The following G3BP2 variants were observed in gnomAD, a reference collection of about 807,000 sequenced individuals.
G3BP2 encodes G3BP stress granule assembly factor 2.
Under a neutral mutation model 56.7 loss-of-function variants are expected in G3BP2, and 11 were observed. That is an observed-to-expected ratio of 0.19 (90% confidence interval 0.12 to 0.32). The LOEUF (loss-of-function observed/expected upper bound fraction) is 0.32. Ranked by LOEUF, G3BP2 falls within the 10% of genes least tolerant of loss-of-function variation. The probability of loss-of-function intolerance (pLI) is 1.00; values close to 1 mark genes in which losing one functional copy is unlikely to be tolerated. For missense variants in G3BP2, 340 were observed against 610.9 expected (o/e 0.56, Z 4.67); for synonymous variants, 165 against 191.6 (o/e 0.86, Z 1.15).
At position 75,643,270 on chromosome 4, in the gene G3BP2, G is replaced by T. The variant is rs1279556838; in HGVS notation, c.*2160C>A. 1 of 117,314 alleles carries T rather than the reference G, an allele frequency of 8.5e-6. No individual in the cohort carries two copies. The highest frequency in any genetic ancestry group is 1.8e-5 in the Non-Finnish European group (1 of 54,472). The allele number at this position is 117,314 out of a possible 1,614,324, so 7.3% of individuals were successfully genotyped here. ...GGTGCCAGAACAGTTTTCATGGATG[G>T]CAGGGCAATATCCTGAATTGGAAAT... On this transcript the variant is annotated 3_prime_UTR_variant, in exon 12 of 12. Transcript: ENST00000359707.
chr4:75,650,428 A>C (rs887354110), intron 8 of G3BP2, among the ~76,000 whole-genome samples: 166 of 148,424 alleles, frequency 1.1e-3, no homozygotes, highest in East Asian at 9.4e-3. Flanking sequence ...CTCCATCTCA[A>C]AAAAAAAAAA....
At chr4:75,674,634 G>C (rs756025035), upstream of G3BP2, among the ~76,000 whole-genome samples, 5 of 146,212 alleles carry the variant, frequency 3.4e-5, no homozygotes. Context: ...AGGCATTCTT[G>C]TAATTATACA....
rs904368325 is a variant in G3BP2, at chr4:75,666,857, A to C, written c.-24-4808T>G. On this transcript the variant is annotated intron_variant, in intron 1 of 11. Coordinates refer to ENST00000359707, the MANE Select transcript of G3BP2 (RefSeq NM_203505.3). ...GTTAACAAAACGAAACAAAATTCTG[A>C]ATATGGGAGTAAAAGGTTTCAACTA... is the stretch of plus-strand genomic sequence containing the variant. Among the ~76,000 whole-genome samples the C allele has an allele frequency of 2.6e-5, 4 of 152,236 alleles. 1 individual carries two copies. Among genetic ancestry groups the C allele is most frequent in the African/African-American group, 9.6e-5 (4 of 41,464 alleles).
At chr4:75,705,122 C>T (rs1452357298) in intron 3 of G3BP2, among the ~76,000 whole-genome samples, 1 of 152,186 alleles carries the variant, frequency 6.6e-6, no homozygotes, top group African/African-American at 2.4e-5. Context: ...TTGGACACCC[C>T]TGATCTAAAC....
At chr4:75,693,340 C>T (rs1312479850) in intron 3 of G3BP2, among the ~76,000 whole-genome samples, 1 of 152,236 alleles carries the variant, frequency 6.6e-6, no homozygotes, top group Non-Finnish European at 1.5e-5. Flanking sequence ...AATGGACTCA[C>T]TGTTCCACAT....
chr4:75,649,432 T>C (rs1731500291), intron 8 of G3BP2, among the ~76,000 whole-genome samples: 1 of 152,188 alleles, frequency 6.6e-6, no homozygotes. Flanking sequence ...CCAACGATTT[T>C]CCTTAACTAG....
In G3BP2 at chr4:75,643,193, G is replaced by A. The variant is rs1560604621; in HGVS notation, c.*2237C>T. The A allele has an allele frequency of 1.3e-5, 2 of 151,476 alleles. No individual in the cohort carries two copies. Among genetic ancestry groups the A allele is most frequent in the Non-Finnish European group, 3.0e-5 (2 of 67,734 alleles). The allele number at this position is 151,476 out of a possible 1,614,324, so 9.4% of individuals were successfully genotyped here. A position where few individuals can be genotyped will look rare whatever the true frequency, so the allele number is the denominator to read the frequency against. On this transcript the variant is annotated 3_prime_UTR_variant, in exon 12 of 12. Transcript: ENST00000359707. ...TGGTATGTAAAGACTGAAGCTGAAT[G>A]GCTCTTTGCTCTACTTTTCTATTAT...
At chr4:75,677,765 C>T (rs1733933032), upstream of G3BP2, among the ~76,000 whole-genome samples, 1 of 152,164 alleles carries the variant, frequency 6.6e-6, no homozygotes, top group South Asian at 2.1e-4. Context: ...AAACAAATGT[C>T]TTGGCCCCAC....
At chr4:75,676,446 C>T (rs1360679818), upstream of G3BP2, among the ~76,000 whole-genome samples, 1 of 150,728 alleles carries the variant, frequency 6.6e-6, no homozygotes, top group African/African-American at 2.4e-5. Context: ...AGGTTCAAGC[C>T]ATTCTCCTGC....
chr4:75,684,098 G>GA (rs1309899063), intron 3 of G3BP2, among the ~76,000 whole-genome samples: 20 of 152,094 alleles, frequency 1.3e-4, no homozygotes, highest in Non-Finnish European at 1.8e-4. Context: ...AGCAGAACTG[G>GA]AAAAAGATAT....
chr4:75,653,354 A>G (rs1453050429), intron 8 of G3BP2, among the ~76,000 whole-genome samples: 2 of 152,146 alleles, frequency 1.3e-5, no homozygotes, highest in Non-Finnish European at 2.9e-5. Flanking sequence ...AGTTCATTCT[A>G]AACTAAATCT....
At chr4:75,650,426 C>CCAAA (rs1430594251) in intron 8 of G3BP2, among the ~76,000 whole-genome samples, 1 of 76,770 alleles carries the variant, frequency 1.3e-5, no homozygotes, top group Non-Finnish European at 2.4e-5. Context: ...AACTCCATCT[C>CCAAA]AAAAAAAAAA....
At chr4:75,720,394 C>T (rs903904182) in intron 3 of G3BP2, among the ~76,000 whole-genome samples, 133 of 151,760 alleles carry the variant, frequency 8.8e-4, no homozygotes, top group African/African-American at 3.1e-3. Flanking sequence ...CCCAGCTACT[C>T]CAGAGGCTGA....
At chr4:75,665,535 T>C (rs1264283101) in intron 1 of G3BP2, among the ~76,000 whole-genome samples, 8 of 151,790 alleles carry the variant, frequency 5.3e-5, no homozygotes, top group Admixed American at 5.3e-4. Flanking sequence ...TGCTTGAGCT[T>C]AGGAGCTGAA....
intron 3 of G3BP2, among the ~76,000 whole-genome samples, chr4:75,701,433 TTTG>T (rs1719339912): frequency 3.5e-4 from 1 of 2,838 alleles, no homozygotes; most frequent in East Asian, 0.028. Flanking sequence ...GCTAATTTTG[TTTG>T]TTTGTTTTCA....
rs560889820 is a variant in G3BP2 at position 75,662,371 on chromosome 4, C to A, written c.-24-322G>T. 19 of 173,618 alleles carry A rather than the reference C, an allele frequency of 1.1e-4. 1 individual carries two copies. The East Asian group carries it at 2.0e-3, about 18-fold the overall frequency. The allele number at this position is 173,618 out of a possible 1,614,324, so 10.8% of individuals were successfully genotyped here. On this transcript the variant is annotated intron_variant, in intron 1 of 11. Transcript: ENST00000359707. ...CCGAGTAGCTGGGATTACAGGCATACGCCACCACACCTGGCTAATTATGTA... is the reference window on the plus strand; with the variant it reads ...CCGAGTAGCTGGGATTACAGGCATAAGCCACCACACCTGGCTAATTATGTA...
chr4:75,654,617 T>A (rs1397657751), intron 7 of G3BP2, among the ~76,000 whole-genome samples: 1 of 152,242 alleles, frequency 6.6e-6, no homozygotes, highest in Non-Finnish European at 1.5e-5. Flanking sequence ...ATGTCACTCA[T>A]CTTTCCAAGA....
intron 3 of G3BP2, among the ~76,000 whole-genome samples, chr4:75,702,894 A>AG (rs1186849329): frequency 6.6e-6 from 1 of 152,234 alleles, no homozygotes; most frequent in Non-Finnish European, 1.5e-5. Flanking sequence ...GAAGGAGCCC[A>AG]GGGAACAGCT....
chr4:75,720,673 C>T (rs1474496168), intron 3 of G3BP2, among the ~76,000 whole-genome samples: 2 of 147,798 alleles, frequency 1.4e-5, no homozygotes, highest in Admixed American at 1.4e-4. Flanking sequence ...GCATGTGCCT[C>T]TATTCCCAGC....
Sources: allele counts gnomAD v4.1 joint callset (sites outside exome capture counted in the v4.1 genomes callset), GRCh38; gene constraint gnomAD v4.1.1; transcripts MANE v1.5; gene names NCBI Gene and HGNC (gene_info 2026-07-23, HGNC 2026-07-21).